Variants in SGSM2 observed in about 807,000 individuals in gnomAD.
SGSM2 encodes the protein RUN and TBC1 domain containing 1.
SGSM2 carries 89 observed loss-of-function variants against 126.6 expected under a neutral mutation model. The observed-to-expected ratio is 0.70, with a 90% CI of 0.59 to 0.84. The LOEUF is 0.84. Among genes scored for constraint, SGSM2 ranks in the 40% least tolerant of loss-of-function variants. The probability of loss-of-function intolerance (pLI) is 0.00; values close to 1 mark genes in which losing one functional copy is unlikely to be tolerated. For missense variants in SGSM2, 1,404 were observed against 1,416.6 expected, an observed-to-expected ratio of 0.99 and a Z score of 0.14; for synonymous variants, 614 against 574.3, an observed-to-expected ratio of 1.07 and a Z score of -0.99.
chr17:2,353,482 G>A (rs1035681410), intron 2 of SGSM2, among the ~76,000 whole-genome samples: 6 of 152,154 alleles, frequency 3.9e-5, no homozygotes, highest in African/African-American at 1.4e-4. Context: ...ATACAGTGGG[G>A]CCGGGCACAT....
Position 2,343,623 on chromosome 17 carries a change from G to A in SGSM2, c.133+3G>A, listed in dbSNP as rs775986866. On this transcript the variant is annotated splice_donor_region_variant and intron_variant, in intron 2 of 23. Transcript: ENST00000268989. ...CAGCCACATCATTGCTTTATGTGGTGAGTGAGTGACTGAAGGATGATGGGA... is the reference window on the plus strand; with the variant it reads ...CAGCCACATCATTGCTTTATGTGGTAAGTGAGTGACTGAAGGATGATGGGA... 5.6e-6 allele frequency: 9 copies of A among 1,613,684 alleles called. No homozygotes were observed. The highest frequency in any genetic ancestry group is 4.4e-5 in the South Asian group (4 of 91,074).
chr17:2,358,331 T>TGCAGGCAGTTCTGA (rs2065164547), intron 2 of SGSM2, among the ~76,000 whole-genome samples: 1 of 152,078 alleles, frequency 6.6e-6, no homozygotes, highest in African/African-American at 2.4e-5. Context: ...GTTCTGAGTG[T>TGCAGGCAGTTCTGA]GGTATTCACT....
intron 22 of SGSM2, 34 bp downstream of exon 22, chr17:2,377,987 A>G: frequency 7.6e-7 from 1 of 1,318,566 alleles, no homozygotes; most frequent in South Asian, 1.2e-5. Flanking sequence ...GGCTGAGGTC[A>G]GGGACAGTGA....
chr17:2,339,463 G>A (rs550404677), intron 1 of SGSM2, among the ~76,000 whole-genome samples: 1 of 150,896 alleles, frequency 6.6e-6, no homozygotes, highest in East Asian at 2.0e-4. Flanking sequence ...GGTGGCTCAC[G>A]ACTGTAATCC....
Position 2,362,401 on chromosome 17 carries a change from TCCC to T in SGSM2, c.458+135_458+137del, listed in dbSNP as rs1158344962. On this transcript the variant is annotated intron_variant, in intron 4 of 23. Transcript: ENST00000268989. This position sits in a 1 kb window ranked among gnomAD's most constrained non-coding sequence, Gnocchi z 4.9. The stretch of plus-strand genomic sequence containing the variant: ...CAAAAACTGCAGGTGACCGCCCCGT[TCCC>T]CCCAAAACTGCAGGTGACCGCCCCG... The T allele has an allele frequency of 7.0e-6, 7 of 994,924 alleles. No individual in the cohort carries two copies. In the African/African-American group the frequency reaches 1.3e-4, roughly 18 times the overall value. The allele number at this position is 994,924 out of a possible 1,614,324, so 61.6% of individuals were successfully genotyped here. A position where few individuals can be genotyped will look rare whatever the true frequency, so the allele number is the denominator to read the frequency against.
At position 2,372,179 on chromosome 17, in the gene SGSM2, T is replaced by G; in HGVS notation, c.1578-11T>G. The G allele has an allele frequency of 6.2e-7, 1 of 1,613,200 alleles. No homozygotes were observed. On this transcript the variant is annotated splice_polypyrimidine_tract_variant and intron_variant, in intron 13 of 23. Transcript: ENST00000268989. This position sits in a 1 kb window ranked among gnomAD's most constrained non-coding sequence, Gnocchi z 6.0. ...GCAGCCCCTCCCTGCTGAGCCCGGT[T>G]GTTGCCACAGGTTGCCGCTCAGGCT...
intron 1 of SGSM2, among the ~76,000 whole-genome samples, chr17:2,342,261 C>CA (rs570717792): frequency 0.039 from 2,678 of 67,814 alleles, 75 homozygotes; most frequent in East Asian, 0.2. Flanking sequence ...ACTAAAAATA[C>CA]AAAAAAAAAA....
At chr17:2,378,939 TCAGCCC>T (rs1194974289) in intron 22 of SGSM2, 91 bp from the exon 23 acceptor site, 2 of 1,254,174 alleles carry the variant, frequency 1.6e-6, no homozygotes, top group Non-Finnish European at 2.1e-6. Context: ...AGCCTCAGCC[TCAGCCC>T]CAGCCTCAAT....
At chr17:2,348,351 T>C (rs1456699742) in intron 2 of SGSM2, among the ~76,000 whole-genome samples, 1 of 152,092 alleles carries the variant, frequency 6.6e-6, no homozygotes, top group Non-Finnish European at 1.5e-5. Flanking sequence ...TTGCAGGAGT[T>C]CGAGACCAGC....
At chr17:2,377,531 A>G (rs937841750) in intron 21 of SGSM2, 8 of 196,848 alleles carry the variant, frequency 4.1e-5, no homozygotes, top group Non-Finnish European at 7.0e-5. Flanking sequence ...ATTGAGGAGG[A>G]GTGTGTGTGT....
intron 2 of SGSM2, among the ~76,000 whole-genome samples, chr17:2,354,698 A>C (rs1567812908): frequency 6.6e-6 from 1 of 152,222 alleles, no homozygotes; most frequent in Non-Finnish European, 1.5e-5. Flanking sequence ...TTGCGTCTAT[A>C]CGGGTTGCAG....
chr17:2,379,300 G>C (rs575017697), intron 23 of SGSM2, 97 bp downstream of exon 23: 8 of 1,565,818 alleles, frequency 5.1e-6, no homozygotes, highest in Non-Finnish European at 4.4e-6. Flanking sequence ...AGGAATCCTG[G>C]GGGCCCTTCC....
At position 2,380,682 on chromosome 17, in the gene SGSM2, C is replaced by T. The variant is rs1161615110; in HGVS notation, c.*1162C>T. On this transcript the variant is annotated 3_prime_UTR_variant, in exon 24 of 24. Transcript: ENST00000268989. ...ATCCCCACTTCCTCCTCTACCCCAACACATGCAGGCTAGGCCTTGCCCTGG... is the reference window on the plus strand; with the variant it reads ...ATCCCCACTTCCTCCTCTACCCCAATACATGCAGGCTAGGCCTTGCCCTGG... The T allele has an allele frequency of 1.5e-5, 5 of 330,308 alleles. No homozygotes were observed. The highest frequency in any genetic ancestry group is 1.7e-5 in the Non-Finnish European group (3 of 173,174). 20.5% of individuals were successfully genotyped at this position (330,308 alleles called of 1,614,324 possible).
Position 2,362,538 on chromosome 17 carries a change from C to T in SGSM2, c.458+268C>T, listed in dbSNP as rs948803924. 6.6e-6 allele frequency among the ~76,000 whole-genome samples: 1 copy of T among 151,950 alleles called. No individual in the cohort carries two copies. Among genetic ancestry groups the T allele is most frequent in the African/African-American group, 2.4e-5 (1 of 41,348 alleles). On this transcript the variant is annotated intron_variant, in intron 4 of 23. Coordinates refer to ENST00000268989, the MANE Select transcript of SGSM2 (RefSeq NM_014853.3). This position sits in a 1 kb window ranked among gnomAD's most constrained non-coding sequence, Gnocchi z 4.9. The stretch of plus-strand genomic sequence containing the variant: ...CCGTTCCCCAAAAACTGCAGGTGAC[C>T]GCCTCGTTCCCCAAGCAGCCCCTCC...
At chr17:2,349,528 A>T (rs1228946334) in intron 2 of SGSM2, among the ~76,000 whole-genome samples, 1 of 152,180 alleles carries the variant, frequency 6.6e-6, no homozygotes, top group African/African-American at 2.4e-5. Context: ...GATAATATAA[A>T]GGAATTGTTA....
chr17:2,371,098 C>T (rs2065847254), intron 12 of SGSM2, among the ~76,000 whole-genome samples, 164 bp from the exon 13 acceptor site: 1 of 152,226 alleles, frequency 6.6e-6, no homozygotes, highest in Admixed American at 6.5e-5. Context: ...TCTCTCCCTA[C>T]CGTTTCCATC....
At position 2,353,245 on chromosome 17, in the gene SGSM2, A is replaced by T. The variant is rs145458418; in HGVS notation, c.134-8392A>T. 3.5e-3 allele frequency among the ~76,000 whole-genome samples: 526 copies of T among 151,978 alleles called. 1 individual carries two copies. Among genetic ancestry groups the T allele is most frequent in the Non-Finnish European group, 6.1e-3 (412 of 67,960 alleles). On this transcript the variant is annotated intron_variant, in intron 2 of 23. Coordinates refer to ENST00000268989, the MANE Select transcript of SGSM2 (RefSeq NM_014853.3). ...GCGCCCCCTAGTGGTGGGAAACCAAACGATTCCACAGATCCTGTTTGTTGA... is the reference window on the plus strand; with the variant it reads ...GCGCCCCCTAGTGGTGGGAAACCAATCGATTCCACAGATCCTGTTTGTTGA...
rs1158498741 is a variant in SGSM2, at chr17:2,373,485, T to C, written c.2072T>C (p.Ile691Thr). Residue 691 changes from isoleucine to threonine, a missense_variant, in exon 17 of 24, where the codon ATC becomes ACC. By Grantham distance (89) the Ile-to-Thr change is moderately conservative. Coordinates refer to ENST00000268989, the MANE Select transcript of SGSM2 (RefSeq NM_014853.3). ...ATCGACAGCCACGTGCAGCGCCTCA[T>C]CCACCGAGACTCCACCATCAGCAAC... ...SSIDSHVQRLIHRDSTISNDV... is the reference protein window; with the variant it reads ...SSIDSHVQRLTHRDSTISNDV... 1.3e-6 allele frequency: 2 copies of C among 1,573,152 alleles called. No individual in the cohort carries two copies. The highest frequency in any genetic ancestry group is 1.7e-5 in the Admixed American group (1 of 57,546).
chr17:2,349,880 C>T (rs1406727499), intron 2 of SGSM2, among the ~76,000 whole-genome samples: 1 of 152,046 alleles, frequency 6.6e-6, no homozygotes, highest in East Asian at 1.9e-4. Flanking sequence ...CTCCGCCTCC[C>T]GGGTTCACAC....
Sources: gnomAD v4.1 joint callset for allele counts (sites outside exome capture counted in the v4.1 genomes callset) on GRCh38, gnomAD v4.1.1 for gene constraint, Gnocchi (gnomAD v3.1) non-coding constraint, MANE v1.5 for transcripts, NCBI Gene and HGNC (gene_info 2026-07-23, HGNC 2026-07-21) for gene names.